Variants in MTMR7 observed in about 807,000 individuals in gnomAD.
MTMR7 encodes the protein phosphatidylinositol-3-phosphate phosphatase MTMR7.
A neutral mutation model predicts 81.2 loss-of-function variants in MTMR7; 76 were observed. That is an observed-to-expected ratio of 0.94 (90% CI 0.78 to 1.13). MTMR7 has a LOEUF of 1.13. Among genes scored for constraint, MTMR7 ranks in the 50% most tolerant of loss-of-function variants. MTMR7 has a pLI of 0.00. For synonymous variants in MTMR7, 372 were observed against 289.8 expected (o/e 1.28, Z -2.88); for missense variants, 1,044 against 820.0 (o/e 1.27, Z -3.34).
At chr8:17,407,696 C>A (rs1821628215) in intron 1 of MTMR7, among the ~76,000 whole-genome samples, 2 of 151,760 alleles carry the variant, frequency 1.3e-5, no homozygotes, top group South Asian at 2.1e-4. Context: ...CTGGGTGATC[C>A]TAAATTTCTA....
chr8:17,361,615 C>A (rs1339460315), intron 3 of MTMR7, among the ~76,000 whole-genome samples: 2 of 152,140 alleles, frequency 1.3e-5, no homozygotes, highest in African/African-American at 4.8e-5. Flanking sequence ...AGAACATATG[C>A]ATTCATTAGG....
intron 1 of MTMR7, among the ~76,000 whole-genome samples, chr8:17,397,031 T>C (rs1821273961): frequency 6.6e-6 from 1 of 151,918 alleles, no homozygotes; most frequent in African/African-American, 2.4e-5. Context: ...ATTCATCATC[T>C]GCTGACAAAA....
intron 7 of MTMR7, among the ~76,000 whole-genome samples, chr8:17,315,581 C>T (rs1177336619): frequency 6.6e-6 from 1 of 152,144 alleles, no homozygotes; most frequent in African/African-American, 2.4e-5. Flanking sequence ...CTAGCTGGGA[C>T]TCTCCGTACC....
rs567662940 is a variant in MTMR7, at chr8:17,299,454, A to G, written c.*408T>C. 6.1e-5 allele frequency: 10 copies of G among 164,924 alleles called. No homozygotes were observed. In the South Asian group the frequency reaches 1.6e-3, roughly 27 times the overall value. 10.2% of individuals were successfully genotyped at this position (164,924 alleles called of 1,614,324 possible). A position where few individuals can be genotyped will look rare whatever the true frequency, so the allele number is the denominator to read the frequency against. On this transcript the variant is annotated 3_prime_UTR_variant, in exon 14 of 14. Coordinates refer to ENST00000180173, the MANE Select transcript of MTMR7 (RefSeq NM_004686.5). ...GAGGATAATGTCAGATGCTTTAGAA[A>G]ACACAAAATATGCATCTAGAAGTGA...
intron 4 of MTMR7, among the ~76,000 whole-genome samples, chr8:17,350,293 C>A (rs979307409): frequency 4.6e-5 from 7 of 152,146 alleles, no homozygotes; most frequent in African/African-American, 1.7e-4. Context: ...ACACTTGAGA[C>A]TGGGTAATTT....
intron 1 of MTMR7, among the ~76,000 whole-genome samples, chr8:17,394,714 T>A (rs928958421): frequency 5.9e-5 from 9 of 152,180 alleles, no homozygotes; most frequent in Non-Finnish European, 1.0e-4. Context: ...TTTTTAATTA[T>A]GCCAAAATCA....
rs374185031 is a variant in MTMR7 at position 17,361,175 on chromosome 8, G to T, written c.410C>A (p.Thr137Lys). ...GTAATGATTAGGGAGGCCCATCCGC[G>T]TGTATTCTTCACTAAGATCGATCAG... ...WVLIDLSEEY[T>K]RMGLPNHYWQ... The change falls in exon 4 of 14, where the codon ACG becomes AAG. Residue 137 changes from threonine (T) to lysine (K), a missense_variant. Thr to Lys is a moderately conservative substitution (Grantham distance 78). Transcript: ENST00000180173. The T allele has an allele frequency of 6.2e-7, 1 of 1,613,994 alleles. No homozygotes were observed. The highest frequency in any genetic ancestry group is 8.5e-7 in the Non-Finnish European group (1 of 1,180,004).
intron 10 of MTMR7, among the ~76,000 whole-genome samples, chr8:17,307,819 T>G (rs570128655): frequency 6.8e-6 from 1 of 147,772 alleles, no homozygotes; most frequent in South Asian, 2.1e-4. Flanking sequence ...TTCTCACTCA[T>G]AGGTGGGAAC....
intron 7 of MTMR7, among the ~76,000 whole-genome samples, chr8:17,321,068 T>C (rs942194780): frequency 2.6e-5 from 4 of 152,340 alleles, no homozygotes; most frequent in Admixed American, 6.5e-5. Context: ...AGCATTCTCG[T>C]TGATTATAAG....
intron 3 of MTMR7, among the ~76,000 whole-genome samples, chr8:17,369,596 T>C (rs890524669): frequency 6.6e-6 from 1 of 152,078 alleles, no homozygotes; most frequent in Non-Finnish European, 1.5e-5. Context: ...TTTCACTGTA[T>C]TCTTCCAAGA....
intron 3 of MTMR7, among the ~76,000 whole-genome samples, chr8:17,368,974 T>G (rs183671213): frequency 3.5e-3 from 539 of 152,346 alleles, no homozygotes; most frequent in Middle Eastern, 6.8e-3. Context: ...TCAGGGATCC[T>G]CACGGCGAGA....
intron 3 of MTMR7, among the ~76,000 whole-genome samples, chr8:17,370,125 T>TAAG (rs1220088343): frequency 6.6e-6 from 1 of 150,386 alleles, no homozygotes; most frequent in Non-Finnish European, 1.5e-5. Flanking sequence ...CCTACCACAT[T>TAAG]AAGTTTTTTT....
At chr8:17,345,684 T>C (rs1455723378) in intron 5 of MTMR7, among the ~76,000 whole-genome samples, 1 of 152,174 alleles carries the variant, frequency 6.6e-6, no homozygotes, top group Non-Finnish European at 1.5e-5. Context: ...CTACATGTGG[T>C]AACAGCTGAT....
chr8:17,332,065 A>G (rs1819029473), intron 6 of MTMR7, among the ~76,000 whole-genome samples: 1 of 152,210 alleles, frequency 6.6e-6, no homozygotes, highest in South Asian at 2.1e-4. Flanking sequence ...TAGCTGGGAA[A>G]TGCATCGGTT....
chr8:17,410,382 C>T (rs1821704982), intron 1 of MTMR7, among the ~76,000 whole-genome samples: 1 of 152,170 alleles, frequency 6.6e-6, no homozygotes, highest in Non-Finnish European at 1.5e-5. Flanking sequence ...ACAAACACTT[C>T]AAGCTACTTC....
intron 1 of MTMR7, among the ~76,000 whole-genome samples, chr8:17,406,437 G>A (rs538314015): frequency 3.9e-4 from 59 of 152,250 alleles, no homozygotes; most frequent in African/African-American, 1.2e-3. Flanking sequence ...AAACCAGGAT[G>A]AGATACCACT....
intron 7 of MTMR7, among the ~76,000 whole-genome samples, chr8:17,325,038 C>T: frequency 6.6e-6 from 1 of 152,150 alleles, no homozygotes. Context: ...CTGAGTCCAT[C>T]TTCCATTTCC....
chr8:17,326,721 T>A (rs1328829061), intron 7 of MTMR7, among the ~76,000 whole-genome samples: 1 of 152,136 alleles, frequency 6.6e-6, no homozygotes, highest in Non-Finnish European at 1.5e-5. Context: ...CAACCATAAG[T>A]GCTTGGAAGT....
At chr8:17,403,268 T>C (rs1281790796) in intron 1 of MTMR7, among the ~76,000 whole-genome samples, 1 of 152,150 alleles carries the variant, frequency 6.6e-6, no homozygotes, top group Admixed American at 6.5e-5. Context: ...GCAAGATATA[T>C]GGGTCTAGTT....
Sources: gnomAD v4.1 joint callset for allele counts (sites outside exome capture counted in the v4.1 genomes callset) on GRCh38, gnomAD v4.1.1 for gene constraint, MANE v1.5 for transcripts, NCBI Gene and HGNC (gene_info 2026-07-23, HGNC 2026-07-21) for gene names.